The following CNPY1 variants were observed in gnomAD, a reference collection of about 807,000 sequenced individuals.
CNPY1 encodes canopy FGF signaling regulator 1, also known as protein canopy homolog 1.
CNPY1 carries 14 observed loss-of-function variants against 14.4 expected under a neutral mutation model. That is an observed-to-expected ratio of 0.97 (90% CI 0.64 to 1.52). The LOEUF (loss-of-function observed/expected upper bound fraction) is 1.52. Ranked by LOEUF, CNPY1 falls within the 40% of genes most tolerant of loss-of-function variation. The pLI, the probability that CNPY1 is intolerant of heterozygous loss-of-function variation, is 0.00. For missense variants in CNPY1, 129 were observed against 131.5 expected (o/e 0.98, Z 0.09); for synonymous variants, 43 against 46.5 (o/e 0.92, Z 0.31).
chr7:155,505,384 T>C (rs1387303841), intron 4 of CNPY1, among the ~76,000 whole-genome samples: 1 of 152,258 alleles, frequency 6.6e-6, no homozygotes, highest in East Asian at 1.9e-4. Flanking sequence ...CATTTTATAC[T>C]TGCAAAATTG....
intron 2 of CNPY1, among the ~76,000 whole-genome samples, chr7:155,543,974 C>T (rs1797130552): frequency 6.6e-6 from 1 of 152,196 alleles, no homozygotes; most frequent in African/African-American, 2.4e-5. Context: ...AACTTGATCG[C>T]CTTGAAGTGG....
chr7:155,520,428 C>CTTTTTTTTTTTTTTTTTTTTTTTTTTTT, intron 2 of CNPY1, among the ~76,000 whole-genome samples: 1 of 69,406 alleles, frequency 1.4e-5, no homozygotes, highest in Non-Finnish European at 2.4e-5. Flanking sequence ...TTCTTTCTTT[C>CTTTTTTTTTTTTTTTTTTTTTTTTTTTT]TTTTTTTTTT....
intron 2 of CNPY1, among the ~76,000 whole-genome samples, chr7:155,524,690 G>C (rs1233368214): frequency 6.6e-6 from 1 of 152,118 alleles, no homozygotes; most frequent in Non-Finnish European, 1.5e-5. Flanking sequence ...ATGGTGAGTT[G>C]CATAATTATT....
chr7:155,509,091 G>C lies in CNPY1; in HGVS notation c.106C>G (p.Leu36Val), dbSNP rs762927480. The C allele has an allele frequency of 4.5e-6, 7 of 1,557,930 alleles. No homozygotes were observed. The African/African-American group carries it at 5.6e-5, about 12-fold the overall frequency. The change falls in exon 3 of 5, where the codon CTA (leucine) becomes GTA (valine). Residue 36 changes from leucine to valine, a missense_variant. Physicochemically the swap from Leu to Val is conservative, Grantham distance 32. Transcript: ENST00000636446. ...GTTAGGAACGCCTCCGACTGAGCTA[G>C]GGGGATCTAAGAAGAAAGACAGGGC... ...DGTQERRKIPLAQSEAFLTDL... is the reference protein window; with the variant it reads ...DGTQERRKIPVAQSEAFLTDL...
chr7:155,519,604 G>A (rs1448994155), intron 2 of CNPY1, among the ~76,000 whole-genome samples: 1 of 150,990 alleles, frequency 6.6e-6, no homozygotes, highest in Non-Finnish European at 1.5e-5. Context: ...ATAAAGAACA[G>A]ATTGAATCCA....
At chr7:155,512,762 A>G (rs1457128698) in intron 2 of CNPY1, among the ~76,000 whole-genome samples, 1 of 152,218 alleles carries the variant, frequency 6.6e-6, no homozygotes, top group Non-Finnish European at 1.5e-5. Flanking sequence ...CAGTCTGACA[A>G]CCTCCAATAA....
intron 2 of CNPY1, among the ~76,000 whole-genome samples, chr7:155,535,773 G>A (rs914437408): frequency 6.6e-6 from 1 of 152,174 alleles, no homozygotes; most frequent in Non-Finnish European, 1.5e-5. Flanking sequence ...GGGTTCTATG[G>A]GATCAGGGTC....
rs906417053 is a variant in CNPY1, at chr7:155,520,322, C to T, written c.100-11225G>A. Among the ~76,000 whole-genome samples the T allele has an allele frequency of 5.9e-5, 9 of 151,740 alleles. No homozygotes were observed. In the East Asian group the frequency reaches 7.7e-4, roughly 13 times the overall value. ...GTAGAAGGACAGATAGTGTGAGCTT[C>T]GTTGTGCCGGCCGAGAGCACCCACA... On this transcript the variant is annotated intron_variant, in intron 2 of 4. Coordinates refer to ENST00000636446, the MANE Select transcript of CNPY1 (RefSeq NM_001393663.1).
chr7:155,507,328 A>G, intron 3 of CNPY1, among the ~76,000 whole-genome samples: 1 of 152,012 alleles, frequency 6.6e-6, no homozygotes, highest in Admixed American at 6.6e-5. Flanking sequence ...GGGCTTAAGT[A>G]AATGATGAGT....
intron 2 of CNPY1, among the ~76,000 whole-genome samples, chr7:155,534,242 G>A (rs981003666): frequency 4.6e-5 from 7 of 152,118 alleles, no homozygotes; most frequent in African/African-American, 1.4e-4. Context: ...GCTGCTCCAC[G>A]CCTTCCCTGT....
At chr7:155,531,538 A>C (rs1796937433) in intron 2 of CNPY1, among the ~76,000 whole-genome samples, 1 of 152,166 alleles carries the variant, frequency 6.6e-6, no homozygotes. Context: ...GGCTGCTCAA[A>C]GTGGGTCCTT....
At position 155,502,595 on chromosome 7, in the gene CNPY1, C is replaced by T. The variant is rs1796151618; in HGVS notation, c.*473G>A. The T allele has an allele frequency of 6.5e-6, 1 of 153,338 alleles. No individual in the cohort carries two copies. The highest frequency in any genetic ancestry group is 1.5e-5 in the Non-Finnish European group (1 of 68,876). 9.5% of individuals were successfully genotyped at this position (153,338 alleles called of 1,614,324 possible). A position where few individuals can be genotyped will look rare whatever the true frequency, so the allele number is the denominator to read the frequency against. ...TCTTTCACTAATAGCCATATCTCAC[C>T]CAGAAGGCCACATTTTGAATTTGTT... is the stretch of plus-strand genomic sequence containing the variant. On this transcript the variant is annotated 3_prime_UTR_variant, in exon 5 of 5. Transcript: ENST00000636446.
At chr7:155,539,523 T>C (rs980884921) in intron 2 of CNPY1, among the ~76,000 whole-genome samples, 6 of 152,330 alleles carry the variant, frequency 3.9e-5, no homozygotes, top group Non-Finnish European at 5.9e-5. Context: ...CCATGTACAG[T>C]TGTGCAGGTT....
chr7:155,539,828 G>A (rs1255922380), intron 2 of CNPY1, among the ~76,000 whole-genome samples: 1 of 152,196 alleles, frequency 6.6e-6, no homozygotes, highest in Non-Finnish European at 1.5e-5. Flanking sequence ...GGCCATTTTA[G>A]GGGAGAGTCA....
At position 155,524,431 on chromosome 7, in the gene CNPY1, A is replaced by G. The variant is rs530571631; in HGVS notation, c.100-15334T>C. Among the ~76,000 whole-genome samples, 20 of 152,354 alleles carry G rather than the reference A, an allele frequency of 1.3e-4. No homozygotes were observed. The East Asian group carries it at 3.5e-3, about 26-fold the overall frequency. On this transcript the variant is annotated intron_variant, in intron 2 of 4. Coordinates refer to ENST00000636446, the MANE Select transcript of CNPY1 (RefSeq NM_001393663.1). ...ACAGCAGGCCAGTGAGCAAAGCTTC[A>G]TCTGTATTTATAGCTGCTCCCCATT...
chr7:155,510,173 G>C (rs1177289848), intron 2 of CNPY1: 1 of 152,230 alleles, frequency 6.6e-6, no homozygotes, highest in African/African-American at 2.4e-5. Context: ...GAACCCTTCC[G>C]GTGCCAGCGG....
rs1344924963 is a variant in CNPY1, at chr7:155,508,977, C to G, written c.220G>C (p.Ala74Pro). The G allele has an allele frequency of 6.2e-7, 1 of 1,613,414 alleles. No individual in the cohort carries two copies. The highest frequency in any genetic ancestry group is 8.5e-7 in the Non-Finnish European group (1 of 1,179,412). ...TATATTTTGTCTCCTTTCCTAGGAG[C>G]GAATCTCTTGAAAGTTCTCTCCTTC... Reference protein sequence around the residue: ...VTKERTFKRFAPRKGDKIYQE... With the variant: ...VTKERTFKRFPPRKGDKIYQE... Residue 74 changes from alanine (A) to proline (P), a missense_variant, in exon 3 of 5, where the codon GCT (alanine) becomes CCT (proline). By Grantham distance (27) the Ala-to-Pro change is conservative. Transcript: ENST00000636446.
At chr7:155,524,929 G>T (rs1350561335) in intron 2 of CNPY1, among the ~76,000 whole-genome samples, 2 of 152,088 alleles carry the variant, frequency 1.3e-5, no homozygotes, top group African/African-American at 2.4e-5. Flanking sequence ...GAAGATTCAG[G>T]TCTATTAGGT....
chr7:155,509,025 T>G lies in CNPY1; in HGVS notation c.172A>C (p.Lys58Gln), dbSNP rs922617219. 1 of 1,613,254 alleles carries G rather than the reference T, an allele frequency of 6.2e-7. No individual in the cohort carries two copies. The highest frequency in any genetic ancestry group is 1.7e-5 in the Admixed American group (1 of 59,826). ...EKVCERMNDY[K>Q]LEEDPVTKER... ...TTCGTCACAGGGTCTTCCTCAAGCT[T>G]GTAGTCGTTCATTCGCTCACAGACT... Residue 58 changes from lysine (K) to glutamine (Q), a missense_variant, in exon 3 of 5, where the codon AAG becomes CAG. Transcript: ENST00000636446.
Sources: gnomAD v4.1 joint callset for allele counts (sites outside exome capture counted in the v4.1 genomes callset) on GRCh38, gnomAD v4.1.1 for gene constraint, MANE v1.5 for transcripts, NCBI Gene and HGNC (gene_info 2026-07-23, HGNC 2026-07-21) for gene names.